The following IST1 variants were observed in gnomAD, a reference collection of about 807,000 sequenced individuals.
The protein encoded by IST1 is IST1 homolog.
IST1 carries 23 observed loss-of-function variants against 37.0 expected under a neutral mutation model. The ratio of observed to expected loss-of-function variants is 0.62; its 90% CI spans 0.45 to 0.88. IST1 has a LOEUF of 0.88. Among genes scored for constraint, IST1 ranks in the 40% least tolerant of loss-of-function variants. The probability of loss-of-function intolerance (pLI) is 0.00; values close to 1 mark genes in which losing one functional copy is unlikely to be tolerated. For missense variants in IST1, 488 were observed against 445.4 expected (o/e 1.10, Z -0.86); for synonymous variants, 180 against 161.7 (o/e 1.11, Z -0.86).
intron 1 of IST1, chr16:71,903,142 CTAA>C (rs2142532041): frequency 6.6e-6 from 1 of 152,208 alleles, no homozygotes; most frequent in East Asian, 1.9e-4. Flanking sequence ...CCATGCCCTG[CTAA>C]TGTTTTAATT....
intron 4 of IST1, 40 bp from the exon 5 acceptor site, chr16:71,920,697 GGA>G (rs755906149): frequency 7.9e-6 from 11 of 1,398,464 alleles, no homozygotes; most frequent in Non-Finnish European, 1.0e-5. Context: ...GCAGTCCGTT[GGA>G]GTGGTCTCTA....
chr16:71,922,976 A>G, intron 7 of IST1: 1 of 492,904 alleles, frequency 2.0e-6, no homozygotes, highest in Non-Finnish European at 3.6e-6. Flanking sequence ...AAATGAATAA[A>G]CCACCAATTA....
At chr16:71,905,592 CT>C (rs1334279343) in intron 1 of IST1, among the ~76,000 whole-genome samples, 1 of 152,090 alleles carries the variant, frequency 6.6e-6, no homozygotes, top group Non-Finnish European at 1.5e-5. Flanking sequence ...GTTGGCCAGG[CT>C]GGTCTTGAAC....
At chr16:71,904,046 G>A (rs1204020130) in intron 1 of IST1, among the ~76,000 whole-genome samples, 1 of 152,072 alleles carries the variant, frequency 6.6e-6, no homozygotes, top group Non-Finnish European at 1.5e-5. Flanking sequence ...ATGTCCTTCT[G>A]TATCCCTGGT....
Position 71,930,464 on chromosome 16 carries a change from T to C in IST1, c.*2651T>C, listed in dbSNP as rs1429650408. On this transcript the variant is annotated 3_prime_UTR_variant, in exon 10 of 10. Coordinates refer to ENST00000378799, the MANE Select transcript of IST1 (RefSeq NM_001270975.2). Reference sequence around the variant, plus strand: ...GGAAATGATTCAAATGTCACATGAGTTTTGGCAAAAAATACATCTAATCAT... The same window carrying C: ...GGAAATGATTCAAATGTCACATGAGCTTTGGCAAAAAATACATCTAATCAT... 3.9e-6 allele frequency: 1 copy of C among 257,634 alleles called. No individual in the cohort carries two copies. Among genetic ancestry groups the C allele is most frequent in the Admixed American group, 5.1e-5 (1 of 19,512 alleles). The allele number at this position is 257,634 out of a possible 1,614,324, so 16.0% of individuals were successfully genotyped here.
chr16:71,929,528 G>C lies in IST1; in HGVS notation c.*1715G>C. 6.5e-7 allele frequency: 1 copy of C among 1,546,152 alleles called. No individual in the cohort carries two copies. The highest frequency in any genetic ancestry group is 8.7e-7 in the Non-Finnish European group (1 of 1,145,472). ...CTAATAAATACTAAGCCAAGTAGGAGATAACAGGATTAAGGTAGTTCATCT... is the reference window on the plus strand; with the variant it reads ...CTAATAAATACTAAGCCAAGTAGGACATAACAGGATTAAGGTAGTTCATCT... On this transcript the variant is annotated 3_prime_UTR_variant, in exon 10 of 10. Coordinates refer to ENST00000378799, the MANE Select transcript of IST1 (RefSeq NM_001270975.2).
chr16:71,925,829 C>G (rs2037728943), intron 9 of IST1, among the ~76,000 whole-genome samples: 1 of 151,938 alleles, frequency 6.6e-6, no homozygotes, highest in South Asian at 2.1e-4. Flanking sequence ...GTGGTATGGA[C>G]TTGTGGTCAC....
In IST1 at chr16:71,930,081, C is replaced by T. The variant is rs1567480897; in HGVS notation, c.*2268C>T. The T allele has an allele frequency of 1.9e-6, 3 of 1,551,358 alleles. No individual in the cohort carries two copies. The highest frequency in any genetic ancestry group is 2.6e-6 in the Non-Finnish European group (3 of 1,146,916). Reference sequence around the variant, plus strand: ...AGCGACTTTCTTTCTTTTCCAAAGGCCATGAGAATGGCCGAAACGAAAAGA... The same window carrying T: ...AGCGACTTTCTTTCTTTTCCAAAGGTCATGAGAATGGCCGAAACGAAAAGA... On this transcript the variant is annotated 3_prime_UTR_variant, in exon 10 of 10. Transcript: ENST00000378799.
At chr16:71,921,620 A>C (rs1305809475) in intron 6 of IST1, 167 bp downstream of exon 6, 3 of 561,640 alleles carry the variant, frequency 5.3e-6, no homozygotes, top group Non-Finnish European at 9.6e-6. Context: ...CAGGGTACTT[A>C]AGGAATTAGA....
Position 71,928,313 on chromosome 16 carries a change from A to G in IST1, c.*500A>G, listed in dbSNP as rs2037802372. ...CTCTCGAATGCAAGTGGGAGAGGGA[A>G]AATGACTCGGGACGCCATTGTAACG... On this transcript the variant is annotated 3_prime_UTR_variant, in exon 10 of 10. Transcript: ENST00000378799. 5.9e-6 allele frequency: 1 copy of G among 168,458 alleles called. No homozygotes were observed. The highest frequency in any genetic ancestry group is 1.3e-5 in the Non-Finnish European group (1 of 78,062). The allele number at this position is 168,458 out of a possible 1,614,324, so 10.4% of individuals were successfully genotyped here. A position where few individuals can be genotyped will look rare whatever the true frequency, so the allele number is the denominator to read the frequency against.
At chr16:71,916,058 T>G (rs1456759262) in intron 2 of IST1, among the ~76,000 whole-genome samples, 1 of 152,116 alleles carries the variant, frequency 6.6e-6, no homozygotes, top group Non-Finnish European at 1.5e-5. Context: ...CTTGCACTCA[T>G]GACCTCAAAG....
chr16:71,916,390 G>C (rs12921279), intron 2 of IST1, 72 bp from the exon 3 acceptor site: 68 of 1,445,152 alleles, frequency 4.7e-5, no homozygotes, highest in African/African-American at 2.5e-4. Flanking sequence ...CTTCCTGTTG[G>C]GGGGAGATTG....
intron 1 of IST1, among the ~76,000 whole-genome samples, chr16:71,899,990 C>G (rs2037066722): frequency 8.5e-6 from 1 of 117,830 alleles, no homozygotes; most frequent in Non-Finnish European, 1.8e-5. Context: ...GAACAAGACT[C>G]TGTCTCAAAA....
At chr16:71,916,761 G>A (rs765894442) in intron 3 of IST1, 119 bp downstream of exon 3, 2 of 826,180 alleles carry the variant, frequency 2.4e-6, no homozygotes, top group Non-Finnish European at 3.7e-6. Flanking sequence ...CCTAACAGTT[G>A]CTGAAAGGCC....
At position 71,930,281 on chromosome 16, in the gene IST1, A is replaced by G; in HGVS notation, c.*2468A>G. ...AGTGTTTGGGATCTTATCAGAAGAA[A>G]AGCTTATCCGAAGGAAACTTAGGGA... On this transcript the variant is annotated 3_prime_UTR_variant, in exon 10 of 10. Transcript: ENST00000378799. The G allele has an allele frequency of 7.9e-7, 1 of 1,272,046 alleles. No individual in the cohort carries two copies. Among genetic ancestry groups the G allele is most frequent in the Non-Finnish European group, 1.0e-6 (1 of 967,234 alleles). The allele number at this position is 1,272,046 out of a possible 1,614,324, so 78.8% of individuals were successfully genotyped here.
intron 1 of IST1, among the ~76,000 whole-genome samples, chr16:71,915,389 T>C (rs1486795945): frequency 1.3e-5 from 2 of 152,194 alleles, no homozygotes; most frequent in African/African-American, 4.8e-5. Flanking sequence ...TACCATCTCT[T>C]GTCTGGATGA....
chr16:71,924,987 C>G (rs1277106376), intron 9 of IST1, among the ~76,000 whole-genome samples, 170 bp downstream of exon 9: 3 of 150,952 alleles, frequency 2.0e-5, no homozygotes, highest in Non-Finnish European at 2.9e-5. Context: ...CTTCTAAGTA[C>G]AAATCCTAAG....
upstream of IST1, chr16:71,895,103 G>T (rs917157615): frequency 1.6e-5 from 6 of 366,400 alleles, no homozygotes; most frequent in Non-Finnish European, 3.0e-5. Flanking sequence ...TCCACCCAGG[G>T]GGAAAGTCCA....
chr16:71,904,358 G>A (rs766921373), intron 1 of IST1, among the ~76,000 whole-genome samples: 1 of 152,188 alleles, frequency 6.6e-6, no homozygotes, highest in Non-Finnish European at 1.5e-5. Flanking sequence ...CCTGACCTAA[G>A]TGATCCACCT....
Sources: gnomAD v4.1 joint callset for allele counts (sites outside exome capture counted in the v4.1 genomes callset) on GRCh38, gnomAD v4.1.1 for gene constraint, MANE v1.5 for transcripts, NCBI Gene and HGNC (gene_info 2026-07-23, HGNC 2026-07-21) for gene names.